NLRC5: variants seen among roughly 807,000 people sequenced by gnomAD.
NLRC5 encodes the protein protein NLRC5.
NLRC5 carries 114 observed loss-of-function variants against 206.9 expected under a neutral mutation model. The observed-to-expected ratio is 0.55, with a 90% CI of 0.47 to 0.64. The LOEUF (loss-of-function observed/expected upper bound fraction) is 0.64. Ranked by LOEUF, NLRC5 falls within the 30% of genes least tolerant of loss-of-function variation. The pLI is 0.00. For synonymous variants in NLRC5, 952 were observed against 962.8 expected (o/e 0.99, Z 0.21); for missense variants, 2,008 against 2,305.5 (o/e 0.87, Z 2.64).
At position 57,082,564 on chromosome 16, in the gene NLRC5, A is replaced by T. The variant is rs759064249; in HGVS notation, c.*36A>T. On this transcript the variant is annotated 3_prime_UTR_variant, in exon 49 of 49. Transcript: ENST00000688547. ...AAGACCTTTGGAATCCAGCCAAGTG[A>T]TGCACCCAAATGATCCACCTTTCGC... 6.9e-7 allele frequency: 1 copy of T among 1,443,776 alleles called. No homozygotes were observed. Among genetic ancestry groups the T allele is most frequent in the South Asian group, 1.2e-5 (1 of 85,756 alleles). The allele number at this position is 1,443,776 out of a possible 1,614,324, so 89.4% of individuals were successfully genotyped here.
chr16:57,074,781 G>A, intron 39 of NLRC5, 98 bp downstream of exon 39: 1 of 1,170,144 alleles, frequency 8.5e-7, no homozygotes, highest in Non-Finnish European at 1.3e-6. Flanking sequence ...CCTCCCAGGG[G>A]ATCCTTTGCG....
intron 4 of NLRC5, among the ~76,000 whole-genome samples, chr16:57,023,305 A>C (rs1396380567): frequency 6.6e-6 from 1 of 152,146 alleles, no homozygotes; most frequent in Non-Finnish European, 1.5e-5. Flanking sequence ...ATGAGACAAG[A>C]CTCCAGAAAC....
chr16:57,021,179 G>A, intron 3 of NLRC5, 172 bp downstream of exon 3: 1 of 614,904 alleles, frequency 1.6e-6, no homozygotes, highest in Admixed American at 3.0e-5. Context: ...GCCCAAATCT[G>A]CTGGGGCCTG....
rs144027531 is a variant in NLRC5, at chr16:57,051,077, C to G, written c.3423-461C>G. On this transcript the variant is annotated intron_variant, in intron 23 of 48. Transcript: ENST00000688547. ...TTTCACCATGTTGCCCAGGCTGGTC[C>G]CAGACTCCTGACCTCAGATGATCCA... 5.3e-3 allele frequency among the ~76,000 whole-genome samples: 806 copies of G among 152,040 alleles called. 11 individuals are homozygous for G. Among genetic ancestry groups the G allele is most frequent in the African/African-American group, 0.019 (779 of 41,444 alleles).
chr16:57,078,900 G>A, intron 43 of NLRC5, 150 bp from the exon 44 acceptor site: 1 of 694,162 alleles, frequency 1.4e-6, no homozygotes, highest in South Asian at 1.9e-5. Context: ...CCCAAAGCCA[G>A]GGTCCTTGAT....
intron 32 of NLRC5, among the ~76,000 whole-genome samples, chr16:57,064,298 A>G (rs1478029100): frequency 6.6e-6 from 1 of 152,216 alleles, no homozygotes; most frequent in Non-Finnish European, 1.5e-5. Context: ...AAAATTCAGC[A>G]TAACTTTAAA....
At chr16:57,048,620 GC>G (rs1248253949) in intron 23 of NLRC5, among the ~76,000 whole-genome samples, 3 of 151,980 alleles carry the variant, frequency 2.0e-5, no homozygotes, top group Non-Finnish European at 2.9e-5. Context: ...TGCCACCTCT[GC>G]CTCCTGGGTT....
At position 57,042,083 on chromosome 16, in the gene NLRC5, C is replaced by T; in HGVS notation, c.3113+18C>T. ...TCCTTGAAGTGAGTAGCCCGCTAGG[C>T]AGAGCCTCTGAGGCTGGGGCAGGGG... On this transcript the variant is annotated intron_variant, in intron 19 of 48. Transcript: ENST00000688547. The T allele has an allele frequency of 1.3e-6, 2 of 1,487,490 alleles. No individual in the cohort carries two copies. The highest frequency in any genetic ancestry group is 9.0e-7 in the Non-Finnish European group (1 of 1,114,772). 92.1% of individuals were successfully genotyped at this position (1,487,490 alleles called of 1,614,324 possible). A position where few individuals can be genotyped will look rare whatever the true frequency, so the allele number is the denominator to read the frequency against.
intron 33 of NLRC5, among the ~76,000 whole-genome samples, chr16:57,066,147 T>C (rs1242690157): frequency 6.6e-6 from 1 of 151,864 alleles, no homozygotes; most frequent in Non-Finnish European, 1.5e-5. Flanking sequence ...CTTTAAATTG[T>C]TGAAAAGGGC....
chr16:57,016,330 C>A (rs182331693), intron 1 of NLRC5, among the ~76,000 whole-genome samples: 5 of 152,372 alleles, frequency 3.3e-5, no homozygotes, highest in Non-Finnish European at 7.3e-5. Flanking sequence ...CTACATACCA[C>A]CTCCATTATG....
At position 57,034,153 on chromosome 16, in the gene NLRC5, C is replaced by T. The variant is rs772056569; in HGVS notation, c.2544-15C>T. 6.2e-7 allele frequency: 1 copy of T among 1,612,178 alleles called. No individual in the cohort carries two copies. The highest frequency in any genetic ancestry group is 1.7e-5 in the Admixed American group (1 of 59,954). ...TGTTTGCCCTGAGCCCTTCTGTCCC[C>T]CACTCCTACCCAAGGCTGCAGAAGT... On this transcript the variant is annotated splice_polypyrimidine_tract_variant and intron_variant, in intron 12 of 48. Transcript: ENST00000688547.
intron 15 of NLRC5, 59 bp downstream of exon 15, chr16:57,037,343 C>A: frequency 6.7e-7 from 1 of 1,485,896 alleles, no homozygotes. Flanking sequence ...CTCTCTGAAG[C>A]CCTTGGAATT....
At chr16:57,051,259 A>G (rs2064857781) in intron 23 of NLRC5, among the ~76,000 whole-genome samples, 4 of 152,342 alleles carry the variant, frequency 2.6e-5, no homozygotes, top group Middle Eastern at 3.4e-3. Context: ...AGTCTGCTGT[A>G]GCTCCTTGGA....
chr16:57,006,749 C>A (rs1296118896), intron 1 of NLRC5, among the ~76,000 whole-genome samples: 1 of 151,960 alleles, frequency 6.6e-6, no homozygotes, highest in Non-Finnish European at 1.5e-5. Flanking sequence ...TATGGAATTG[C>A]TCAGTGTGAT....
intron 18 of NLRC5, 41 bp downstream of exon 18, chr16:57,041,615 A>G: frequency 4.0e-6 from 6 of 1,509,132 alleles, no homozygotes; most frequent in African/African-American, 2.7e-5. Context: ...GGTGGGGCCA[A>G]TTACAGTGAG....
At chr16:57,054,707 C>T in intron 24 of NLRC5, 44 bp from the exon 25 acceptor site, 1 of 980,940 alleles carries the variant, frequency 1.0e-6, no homozygotes, top group Non-Finnish European at 1.5e-6. Flanking sequence ...TAGCCAGGTT[C>T]CTTGTCCACT....
Position 57,030,143 on chromosome 16 carries a change from T to C in NLRC5, c.2417+59T>C, listed in dbSNP as rs537704796. 2.8e-6 allele frequency: 4 copies of C among 1,412,850 alleles called. No individual in the cohort carries two copies. The East Asian group carries it at 9.1e-5, about 32-fold the overall frequency. 87.5% of individuals were successfully genotyped at this position (1,412,850 alleles called of 1,614,324 possible). ...GCCTTGAGAAAAGAGGAGGGGAAAG[T>C]GGGATGGGAAATGGAGGAGGCCCCT... On this transcript the variant is annotated intron_variant, in intron 10 of 48. Coordinates refer to ENST00000688547, the MANE Select transcript of NLRC5 (RefSeq NM_001384950.1).
At chr16:57,055,225 A>T (rs936953164) in intron 26 of NLRC5, 131 bp downstream of exon 26, 46 of 1,029,942 alleles carry the variant, frequency 4.5e-5, no homozygotes, top group Non-Finnish European at 6.4e-5. Flanking sequence ...CTGCAGAGGG[A>T]CTTGTTTCAC....
At position 57,077,973 on chromosome 16, in the gene NLRC5, A is replaced by G. The variant is rs764626841; in HGVS notation, c.5034A>G (p.Thr1678=). The change falls in exon 43 of 49, where the codon ACA becomes ACG. Residue 1678 remains threonine, a synonymous_variant. Coordinates refer to ENST00000688547, the MANE Select transcript of NLRC5 (RefSeq NM_001384950.1). Reference sequence around the variant, plus strand: ...GCTGCAATGCCCTGGGGGATCCCACAGCCCTGGGGCTGGCTCAGGAGCTGC... The same window carrying G: ...GCTGCAATGCCCTGGGGGATCCCACGGCCCTGGGGCTGGCTCAGGAGCTGC... ...MLGCNALGDP[T]ALGLAQELPQ... 6.2e-7 allele frequency: 1 copy of G among 1,612,438 alleles called. No individual in the cohort carries two copies. The highest frequency in any genetic ancestry group is 1.3e-5 in the African/African-American group (1 of 74,906).
Sources: gnomAD v4.1 joint callset for allele counts (sites outside exome capture counted in the v4.1 genomes callset) on GRCh38, gnomAD v4.1.1 for gene constraint, MANE v1.5 for transcripts, NCBI Gene and HGNC (gene_info 2026-07-23, HGNC 2026-07-21) for gene names.